The following SLX9 variants were observed in gnomAD, a reference collection of about 807,000 sequenced individuals.
SLX9 encodes ribosome biogenesis protein SLX9 homolog.
In SLX9, 19 loss-of-function variants were observed where a neutral mutation model predicts 20.8. The ratio of observed to expected loss-of-function variants is 0.91; its 90% CI spans 0.64 to 1.34. The LOEUF is 1.34. Ranked by LOEUF, SLX9 falls within the 40% of genes most tolerant of loss-of-function variation. SLX9 has a pLI of 0.00. For missense variants in SLX9, 299 were observed against 322.2 expected (o/e 0.93, Z 0.55); for synonymous variants, 113 against 137.1 (o/e 0.82, Z 1.23).
At chr21:44,970,465 AT>A (rs2085122800) in intron 4 of SLX9, among the ~76,000 whole-genome samples, 1 of 151,992 alleles carries the variant, frequency 6.6e-6, no homozygotes, top group African/African-American at 2.4e-5. Context: ...CATCTTGGAC[AT>A]CTCCTGCCAG....
intron 4 of SLX9, 197 bp from the exon 5 acceptor site, chr21:44,973,000 G>A (rs867708746): frequency 1.2e-5 from 8 of 675,582 alleles, no homozygotes; most frequent in Admixed American, 2.8e-5. Flanking sequence ...GTCACAGGAC[G>A]GTCAGGCAGT....
At chr21:44,966,922 A>T (rs1159160511) in intron 3 of SLX9, 112 bp from the exon 4 acceptor site, 1 of 1,378,834 alleles carries the variant, frequency 7.3e-7, no homozygotes, top group East Asian at 2.5e-5. Flanking sequence ...AGCGGGAAGG[A>T]GAGAGGCAGC....
At chr21:44,949,909 C>T (rs1328782951) in intron 2 of SLX9, among the ~76,000 whole-genome samples, 4 of 152,164 alleles carry the variant, frequency 2.6e-5, no homozygotes, top group African/African-American at 9.7e-5. Context: ...GCTTCCTGGC[C>T]GTCCCTCTGC....
At chr21:44,943,637 C>G (rs2084589053) in intron 1 of SLX9, 47 bp from the exon 2 acceptor site, 2 of 1,603,794 alleles carry the variant, frequency 1.2e-6, no homozygotes, top group East Asian at 4.5e-5. Context: ...AACCACAGAG[C>G]AAGTCTCACA....
At chr21:44,955,445 G>A (rs1311334611) in intron 2 of SLX9, among the ~76,000 whole-genome samples, 6 of 152,180 alleles carry the variant, frequency 3.9e-5, no homozygotes, top group Admixed American at 2.0e-4. Flanking sequence ...GCACATGATA[G>A]ATACCATGAA....
Position 44,941,776 on chromosome 21 carries a change from A to G in SLX9, c.129+1590A>G, listed in dbSNP as rs537017043. On this transcript the variant is annotated intron_variant, in intron 1 of 5. Transcript: ENST00000291634. ...CTCCTGGGAGTTGTTCCTGGGTCAG[A>G]GGGGCTTACTGTCTACCCAGGAGCC... 1.4e-4 allele frequency among the ~76,000 whole-genome samples: 21 copies of G among 152,244 alleles called. No individual in the cohort carries two copies. In the South Asian group the frequency reaches 4.1e-3, roughly 30 times the overall value.
rs569129876 is a variant in SLX9 at position 44,940,125 on chromosome 21, C to T, written c.68C>T (p.Ala23Val). The change falls in exon 1 of 6, where the codon GCC becomes GTC. Residue 23 changes from alanine to valine, a missense_variant. Coordinates refer to ENST00000291634, the MANE Select transcript of SLX9 (RefSeq NM_058190.4). Reference sequence around the variant, plus strand: ...GCCGTGAGGCCGAAAGGGGAGGCCGCCCCCGGCCCCGCGCCCCCTGCCCCG... The same window carrying T: ...GCCGTGAGGCCGAAAGGGGAGGCCGTCCCCGGCCCCGCGCCCCCTGCCCCG... ...QAAVRPKGEA[A>V]PGPAPPAPEA... 419 of 1,362,644 alleles carry T rather than the reference C, an allele frequency of 3.1e-4. 9 individuals are homozygous for T. In the South Asian group the frequency reaches 5.9e-3, roughly 19 times the overall value. The allele number at this position is 1,362,644 out of a possible 1,614,324, so 84.4% of individuals were successfully genotyped here.
chr21:44,947,766 G>C (rs984835879), intron 2 of SLX9, among the ~76,000 whole-genome samples: 1 of 152,144 alleles, frequency 6.6e-6, no homozygotes, highest in Non-Finnish European at 1.5e-5. Flanking sequence ...GGGAGGAGGA[G>C]GGCATGGGTG....
In SLX9 at chr21:44,967,186, G is replaced by T; in HGVS notation, c.500+5G>T. The T allele has an allele frequency of 6.4e-7, 1 of 1,567,980 alleles. No individual in the cohort carries two copies. Among genetic ancestry groups the T allele is most frequent in the Non-Finnish European group, 8.6e-7 (1 of 1,158,254 alleles). On this transcript the variant is annotated splice_donor_5th_base_variant and intron_variant, in intron 4 of 5. Transcript: ENST00000291634. ...CAGCCGGCGCCAAGCCCGCAGGTGA[G>T]TGTCCGGGAGGGGTGGCCCTTTCCG...
chr21:44,972,842 G>A (rs1050216712), intron 4 of SLX9, among the ~76,000 whole-genome samples: 2 of 152,016 alleles, frequency 1.3e-5, no homozygotes, highest in Non-Finnish European at 2.9e-5. Flanking sequence ...TGGAGACGCT[G>A]TATATCGTGA....
intron 4 of SLX9, among the ~76,000 whole-genome samples, chr21:44,968,482 C>T (rs2085081134): frequency 6.6e-6 from 1 of 152,260 alleles, no homozygotes; most frequent in African/African-American, 2.4e-5. Context: ...GCAGGGGATG[C>T]AGCCTGCTGA....
At chr21:44,960,451 C>T (rs1438147230) in intron 3 of SLX9, among the ~76,000 whole-genome samples, 2 of 152,246 alleles carry the variant, frequency 1.3e-5, no homozygotes, top group South Asian at 2.1e-4. Flanking sequence ...AGCTGGGCTG[C>T]CTCCCTTTGG....
chr21:44,954,514 C>T (rs1430019218), intron 2 of SLX9, among the ~76,000 whole-genome samples: 2 of 152,176 alleles, frequency 1.3e-5, no homozygotes, highest in Non-Finnish European at 2.9e-5. Context: ...TTTGAATGTC[C>T]ACCCTCAGGT....
chr21:44,968,699 C>G (rs2085085078), intron 4 of SLX9, among the ~76,000 whole-genome samples: 1 of 151,784 alleles, frequency 6.6e-6, no homozygotes, highest in African/African-American at 2.4e-5. Flanking sequence ...GGCCGGACCA[C>G]TCTGTTCTGT....
intron 1 of SLX9, among the ~76,000 whole-genome samples, chr21:44,941,332 G>C (rs1293395642): frequency 3.3e-5 from 5 of 151,810 alleles, no homozygotes; most frequent in African/African-American, 7.3e-5. Flanking sequence ...ATTTTGGATA[G>C]TCCTGTAGCA....
intron 1 of SLX9, among the ~76,000 whole-genome samples, chr21:44,942,174 G>A (rs566047257): frequency 1.5e-4 from 23 of 152,290 alleles, no homozygotes; most frequent in East Asian, 1.2e-3. Context: ...AAAAGCAGTC[G>A]TCTGCCGTAT....
At position 44,969,088 on chromosome 21, in the gene SLX9, T is replaced by C. The variant is rs9982344; in HGVS notation, c.500+1907T>C. On this transcript the variant is annotated intron_variant, in intron 4 of 5. Transcript: ENST00000291634. ...GTTTAAAAAATAATTTTCTTTCTCC[T>C]ACTAACTTTCCATCTGGGCAGAAAG... 2,370 of 446,578 alleles carry C rather than the reference T, an allele frequency of 5.3e-3. 44 individuals are homozygous for C. Among genetic ancestry groups the C allele is most frequent in the African/African-American group, 0.041 (2,047 of 49,750 alleles). The allele number at this position is 446,578 out of a possible 1,614,324, so 27.7% of individuals were successfully genotyped here.
intron 3 of SLX9, 41 bp downstream of exon 3, chr21:44,960,209 G>C: frequency 6.3e-7 from 1 of 1,586,568 alleles, no homozygotes; most frequent in Admixed American, 1.7e-5. Flanking sequence ...GCCGGCCCAA[G>C]TCCCATCCCG....
intron 3 of SLX9, among the ~76,000 whole-genome samples, chr21:44,961,184 C>G (rs2084944069): frequency 6.6e-6 from 1 of 152,098 alleles, no homozygotes; most frequent in African/African-American, 2.4e-5. Context: ...CCCTGATTTT[C>G]TAGGCTGTAA....
Sources: gnomAD v4.1 joint callset for allele counts (sites outside exome capture counted in the v4.1 genomes callset) on GRCh38, gnomAD v4.1.1 for gene constraint, MANE v1.5 for transcripts, NCBI Gene and HGNC (gene_info 2026-07-23, HGNC 2026-07-21) for gene names.